The following MED27 variants were observed in gnomAD, a reference collection of about 807,000 sequenced individuals.
MED27 encodes mediator complex subunit 27.
MED27 carries 30 observed loss-of-function variants against 38.2 expected under a neutral mutation model. That is an observed-to-expected ratio of 0.79 (90% CI 0.59 to 1.07). The LOEUF is 1.07. MED27 is among the 50% of genes least tolerant of loss of function. MED27 has a pLI of 0.00. For synonymous variants in MED27, 122 were observed against 153.5 expected (o/e 0.79, Z 1.52); for missense variants, 289 against 397.5 (o/e 0.73, Z 2.32).
At chr9:132,014,038 T>G (rs1224801154) in intron 3 of MED27, among the ~76,000 whole-genome samples, 2 of 151,838 alleles carry the variant, frequency 1.3e-5, no homozygotes, top group African/African-American at 4.8e-5. Flanking sequence ...AAACCCCATC[T>G]CTACTAAAAA....
Position 131,939,397 on chromosome 9 carries a change from G to T in MED27, c.557C>A (p.Thr186Lys), listed in dbSNP as rs751639634. ...MSIHLSRPNG[T>K]SAMLLVTLGK... ...TGATCTTACCAGAAGCATTGCTGAT[G>T]TTCCATTGGGTCTGGATAAGTGGAT... Residue 186 changes from threonine to lysine, a missense_variant, in exon 4 of 8, where the codon ACA becomes AAA. Thr to Lys is a moderately conservative substitution (Grantham distance 78). Transcript: ENST00000292035. 1.9e-6 allele frequency: 3 copies of T among 1,608,932 alleles called. No homozygotes were observed. The highest frequency in any genetic ancestry group is 2.5e-6 in the Non-Finnish European group (3 of 1,177,880).
At chr9:132,044,782 T>C (rs1459287519) in intron 2 of MED27, among the ~76,000 whole-genome samples, 1 of 152,232 alleles carries the variant, frequency 6.6e-6, no homozygotes, top group Non-Finnish European at 1.5e-5. Context: ...TTTTTCCCCT[T>C]CATTTCTGGT....
intron 3 of MED27, among the ~76,000 whole-genome samples, chr9:132,010,893 A>T (rs943910561): frequency 5.9e-5 from 9 of 152,056 alleles, no homozygotes; most frequent in Non-Finnish European, 1.3e-4. Flanking sequence ...GGGGTGGGCG[A>T]AGGGGGGAGG....
chr9:131,998,227 A>G lies in MED27; in HGVS notation c.479+16110T>C, dbSNP rs371175701. On this transcript the variant is annotated intron_variant, in intron 3 of 7. Coordinates refer to ENST00000292035, the MANE Select transcript of MED27 (RefSeq NM_004269.4). ...AACAGCAAAACAGGGTAGTGATTCT[A>G]TAATACCACTCAAAAGCATCATCTT... Among the ~76,000 whole-genome samples, 9 of 151,864 alleles carry G rather than the reference A, an allele frequency of 5.9e-5. No homozygotes were observed. The East Asian group carries it at 1.7e-3, about 29-fold the overall frequency.
intron 4 of MED27, among the ~76,000 whole-genome samples, chr9:131,936,147 A>AAAAGAAAG (rs1216976803): frequency 2.2e-4 from 33 of 150,564 alleles, no homozygotes; most frequent in African/African-American, 7.1e-4. Flanking sequence ...AAAAAAAAAA[A>AAAAGAAAG]AAAGAAAGAA....
chr9:132,029,789 G>GA (rs1195475865), intron 2 of MED27, among the ~76,000 whole-genome samples: 1 of 144,070 alleles, frequency 6.9e-6, no homozygotes, highest in Non-Finnish European at 1.5e-5. Context: ...CAAGGCAGGG[G>GA]AAATGATGTT....
intron 2 of MED27, among the ~76,000 whole-genome samples, chr9:132,058,892 T>C (rs539833569): frequency 6.6e-6 from 1 of 152,376 alleles, no homozygotes; most frequent in South Asian, 2.1e-4. Context: ...CCTGTGGCAG[T>C]GCTTTATCTT....
intron 4 of MED27, among the ~76,000 whole-genome samples, chr9:131,923,347 A>G (rs1023442159): frequency 6.6e-6 from 1 of 152,152 alleles, no homozygotes; most frequent in African/African-American, 2.4e-5. Flanking sequence ...ATTTGCTCAA[A>G]CCTAGAATAC....
At chr9:131,892,268 T>C (rs1455878596) in intron 5 of MED27, among the ~76,000 whole-genome samples, 1 of 152,204 alleles carries the variant, frequency 6.6e-6, no homozygotes, top group Non-Finnish European at 1.5e-5. Flanking sequence ...TCTGAGACTC[T>C]ATATTTCAAG....
At chr9:132,056,126 C>A (rs1426262458) in intron 2 of MED27, among the ~76,000 whole-genome samples, 1 of 152,202 alleles carries the variant, frequency 6.6e-6, no homozygotes, top group Non-Finnish European at 1.5e-5. Flanking sequence ...AACATTTGCT[C>A]ACATTTCCAT....
At chr9:131,865,430 C>T (rs1265331552) in intron 6 of MED27, among the ~76,000 whole-genome samples, 2 of 152,174 alleles carry the variant, frequency 1.3e-5, no homozygotes, top group East Asian at 3.8e-4. Flanking sequence ...CCATCTAGCT[C>T]CCTTGCTAAG....
chr9:131,891,367 A>C (rs1419677154), intron 5 of MED27, among the ~76,000 whole-genome samples: 1 of 152,250 alleles, frequency 6.6e-6, no homozygotes, highest in African/African-American at 2.4e-5. Flanking sequence ...CTTGCAGAGG[A>C]GTCTGGATTT....
Position 131,878,061 on chromosome 9 carries a change from G to T in MED27, c.723+5997C>A, listed in dbSNP as rs533390473. Among the ~76,000 whole-genome samples the T allele has an allele frequency of 4.6e-5, 7 of 152,242 alleles. No individual in the cohort carries two copies. In the East Asian group the frequency reaches 1.2e-3, roughly 25 times the overall value. On this transcript the variant is annotated intron_variant, in intron 6 of 7. Transcript: ENST00000292035. Reference sequence around the variant, plus strand: ...AGGCCGAGGCAGGTGGATTACCTGAGATCAGGAGTTCAAGACCAGCCTGGC... The same window carrying T: ...AGGCCGAGGCAGGTGGATTACCTGATATCAGGAGTTCAAGACCAGCCTGGC...
rs61624043 is a variant in MED27 at position 131,881,800 on chromosome 9, C to CTTTTTTTTTTTT, written c.723+2246_723+2257dup. On this transcript the variant is annotated intron_variant, in intron 6 of 7. Transcript: ENST00000292035. ...CCTCCCTCCCTTCCTTCTTCTTCTT[C>CTTTTTTTTTTTT]TTTTTTTTTTTTTTTTTTTTTTTTG... 2.9e-3 allele frequency among the ~76,000 whole-genome samples: 177 copies of CTTTTTTTTTTTT among 60,958 alleles called. 12 individuals are homozygous for CTTTTTTTTTTTT. Among genetic ancestry groups the CTTTTTTTTTTTT allele is most frequent in the East Asian group, 5.9e-3 (11 of 1,870 alleles). 40.0% of individuals were successfully genotyped at this position (60,958 alleles called of 152,430 possible). A position where few individuals can be genotyped will look rare whatever the true frequency, so the allele number is the denominator to read the frequency against.
chr9:132,067,956 C>T lies in MED27; in HGVS notation c.348+9486G>A, dbSNP rs573716649. ...CTCCATCTCCTGACCTCGTGATCCG[C>T]CCACCTCGGCCCAAAATGTTCGTAA... On this transcript the variant is annotated intron_variant, in intron 2 of 7. Coordinates refer to ENST00000292035, the MANE Select transcript of MED27 (RefSeq NM_004269.4). 2.0e-5 allele frequency among the ~76,000 whole-genome samples: 3 copies of T among 152,274 alleles called. No individual in the cohort carries two copies. The South Asian group carries it at 6.2e-4, about 32-fold the overall frequency.
At chr9:131,953,588 T>C (rs1043771696) in intron 3 of MED27, among the ~76,000 whole-genome samples, 1 of 152,042 alleles carries the variant, frequency 6.6e-6, no homozygotes, top group African/African-American at 2.4e-5. Context: ...ATACAAATTA[T>C]AATTAAAATT....
At position 132,036,396 on chromosome 9, in the gene MED27, T is replaced by G. The variant is rs370113724; in HGVS notation, c.349-21929A>C. 2.9e-4 allele frequency among the ~76,000 whole-genome samples: 44 copies of G among 152,114 alleles called. 1 individual carries two copies. The South Asian group carries it at 8.5e-3, about 29-fold the overall frequency. On this transcript the variant is annotated intron_variant, in intron 2 of 7. Coordinates refer to ENST00000292035, the MANE Select transcript of MED27 (RefSeq NM_004269.4). Reference sequence around the variant, plus strand: ...TTGTTTCTATTTTCTTGTAGAGAGGTCTACTATGTTGCACAGACTGGTCTC... The same window carrying G: ...TTGTTTCTATTTTCTTGTAGAGAGGGCTACTATGTTGCACAGACTGGTCTC...
chr9:132,030,789 T>C (rs1379094548), intron 2 of MED27, among the ~76,000 whole-genome samples: 3 of 152,216 alleles, frequency 2.0e-5, no homozygotes, highest in African/African-American at 7.2e-5. Context: ...AATGAAGTCA[T>C]GTTCACCTGC....
chr9:131,947,074 T>C (rs1190373099), intron 3 of MED27, among the ~76,000 whole-genome samples: 2 of 152,220 alleles, frequency 1.3e-5, no homozygotes, highest in Non-Finnish European at 2.9e-5. Flanking sequence ...TCACAGTATC[T>C]GGCACCCGCT....
Sources: allele counts gnomAD v4.1 joint callset (sites outside exome capture counted in the v4.1 genomes callset), GRCh38; gene constraint gnomAD v4.1.1; transcripts MANE v1.5; gene names NCBI Gene and HGNC (gene_info 2026-07-23, HGNC 2026-07-21).